The following JAK1 variants were observed in gnomAD, a reference collection of about 807,000 sequenced individuals.
JAK1 encodes tyrosine-protein kinase JAK1.
Under a neutral mutation model 136.6 loss-of-function variants are expected in JAK1, and 16 were observed. The ratio of observed to expected loss-of-function variants is 0.12; its 90% CI spans 0.08 to 0.18. The LOEUF (loss-of-function observed/expected upper bound fraction) is 0.18. Among genes scored for constraint, JAK1 ranks in the 10% least tolerant of loss-of-function variants. The pLI, the probability that JAK1 is intolerant of heterozygous loss-of-function variation, is 1.00. For missense variants in JAK1, 859 were observed against 1,450.1 expected (o/e 0.59, Z 6.62); for synonymous variants, 492 against 519.5 (o/e 0.95, Z 0.72).
intron 2 of JAK1, among the ~76,000 whole-genome samples, chr1:65,010,808 A>C (rs1164462184): frequency 6.6e-6 from 1 of 152,124 alleles, no homozygotes; most frequent in Non-Finnish European, 1.5e-5. Flanking sequence ...GTCTCTTAAA[A>C]AAAAGTAGTA....
At chr1:65,031,921 T>A (rs1647026817) in intron 2 of JAK1, among the ~76,000 whole-genome samples, 1 of 152,048 alleles carries the variant, frequency 6.6e-6, no homozygotes, top group South Asian at 2.1e-4. Flanking sequence ...CCTCTCTTGA[T>A]GTTAACCTAG....
At chr1:65,004,311 A>G (rs543961679) in intron 2 of JAK1, among the ~76,000 whole-genome samples, 1 of 152,356 alleles carries the variant, frequency 6.6e-6, no homozygotes, top group South Asian at 2.1e-4. Flanking sequence ...AAAACAGAAT[A>G]AGCAAAACAG....
chr1:64,981,186 G>A (rs1426913373), intron 2 of JAK1, among the ~76,000 whole-genome samples: 1 of 152,176 alleles, frequency 6.6e-6, no homozygotes. Context: ...GCTATGAAGG[G>A]ACAGAAAGAG....
chr1:64,951,655 T>C (rs1219896661), intron 1 of JAK1, among the ~76,000 whole-genome samples: 3 of 92,954 alleles, frequency 3.2e-5, no homozygotes, highest in East Asian at 7.4e-4. Context: ...CTGCCTTTTT[T>C]TTTTTTTTTT....
chr1:65,038,849 G>A (rs1004852473), intron 2 of JAK1, among the ~76,000 whole-genome samples: 5 of 152,006 alleles, frequency 3.3e-5, no homozygotes, highest in African/African-American at 7.2e-5. Context: ...TGTTGGCCAC[G>A]CTGATCTCAA....
At chr1:64,913,567 A>T (rs1245940894) in intron 1 of JAK1, among the ~76,000 whole-genome samples, 2 of 145,876 alleles carry the variant, frequency 1.4e-5, no homozygotes, top group African/African-American at 2.5e-5. Flanking sequence ...TAAGCTTCGT[A>T]TTAAGGAGAA....
chr1:64,928,544 C>T (rs1225342896), intron 1 of JAK1, among the ~76,000 whole-genome samples: 1 of 152,070 alleles, frequency 6.6e-6, no homozygotes, highest in Non-Finnish European at 1.5e-5. Flanking sequence ...CTGCCCCCTC[C>T]AGGAGTCCTA....
chr1:65,041,219 G>A (rs932617854), intron 2 of JAK1, among the ~76,000 whole-genome samples: 4 of 152,140 alleles, frequency 2.6e-5, no homozygotes, highest in Non-Finnish European at 5.9e-5. Flanking sequence ...AGGAGACCGC[G>A]CCAAGTGGAA....
intron 2 of JAK1, among the ~76,000 whole-genome samples, chr1:64,885,939 A>C (rs310196): frequency 0.21 from 32,615 of 152,162 alleles, 4,877 homozygotes; most frequent in African/African-American, 0.42. Context: ...GGATAGTATG[A>C]TCATGCATAT....
chr1:65,020,255 T>A (rs1381905941), intron 2 of JAK1, among the ~76,000 whole-genome samples: 4 of 149,078 alleles, frequency 2.7e-5, no homozygotes, highest in Non-Finnish European at 5.9e-5. Flanking sequence ...AAAAGCTGTG[T>A]ATAACTTTAG....
intron 2 of JAK1, among the ~76,000 whole-genome samples, chr1:65,025,296 T>C (rs1193176077): frequency 1.3e-5 from 2 of 152,126 alleles, no homozygotes; most frequent in African/African-American, 4.8e-5. Context: ...ACCCGAAACA[T>C]GGATTCCAAG....
At chr1:64,858,453 T>C (rs1362457123) in intron 9 of JAK1, among the ~76,000 whole-genome samples, 1 of 152,240 alleles carries the variant, frequency 6.6e-6, no homozygotes, top group African/African-American at 2.4e-5. Flanking sequence ...TGCCTTTGCA[T>C]GTGCTGACCT....
intron 1 of JAK1, among the ~76,000 whole-genome samples, chr1:64,959,151 C>A: frequency 6.6e-6 from 1 of 152,180 alleles, no homozygotes; most frequent in East Asian, 1.9e-4. Context: ...ACATCAATAG[C>A]GCTTTTCCAA....
At chr1:65,064,506 G>A (rs1234259426) in intron 1 of JAK1, among the ~76,000 whole-genome samples, 1 of 152,168 alleles carries the variant, frequency 6.6e-6, no homozygotes, top group African/African-American at 2.4e-5. Flanking sequence ...TTATTAGGTA[G>A]CCCTTCCAAA....
chr1:64,869,240 T>C (rs1207521883), intron 6 of JAK1, 71 bp downstream of exon 6: 2 of 1,446,770 alleles, frequency 1.4e-6, no homozygotes, highest in Non-Finnish European at 9.6e-7. Context: ...GTAATTAAGC[T>C]GAAATGTGTA....
At chr1:64,883,527 C>A (rs760416877) in intron 2 of JAK1, 52 bp from the exon 3 acceptor site, 2 of 1,505,742 alleles carry the variant, frequency 1.3e-6, no homozygotes, top group Non-Finnish European at 9.2e-7. Context: ...GCTAAAAGTT[C>A]TTATGGCAAA....
intron 2 of JAK1, among the ~76,000 whole-genome samples, chr1:65,013,399 AAAAAAAAAC>A (rs1017680185): frequency 3.3e-5 from 5 of 152,058 alleles, no homozygotes; most frequent in Admixed American, 1.3e-4. Flanking sequence ...CTGTCTAAAA[AAAAAAAAAC>A]AAAAAAAACA....
chr1:64,936,095 C>T (rs931738068), intron 1 of JAK1, among the ~76,000 whole-genome samples: 2 of 152,168 alleles, frequency 1.3e-5, no homozygotes, highest in African/African-American at 4.8e-5. Flanking sequence ...GGCCAATGTG[C>T]AATTACTAAA....
intron 1 of JAK1, among the ~76,000 whole-genome samples, chr1:65,065,895 C>T (rs1648019323): frequency 6.6e-6 from 1 of 151,366 alleles, no homozygotes; most frequent in African/African-American, 2.4e-5. Flanking sequence ...CTCCCTCAAC[C>T]TAGGCCCAGG....
Sources: gnomAD v4.1 joint callset for allele counts (sites outside exome capture counted in the v4.1 genomes callset) on GRCh38, gnomAD v4.1.1 for gene constraint, MANE v1.5 for transcripts, NCBI Gene and HGNC (gene_info 2026-07-23, HGNC 2026-07-21) for gene names.